The following DNER variants were observed in gnomAD, a reference collection of about 807,000 sequenced individuals.
DNER encodes the protein delta/notch like EGF repeat containing, also known as delta and Notch-like epidermal growth factor-related receptor.
Under a neutral mutation model 78.2 loss-of-function variants are expected in DNER, and 33 were observed. The observed-to-expected ratio is 0.42, with a 90% CI of 0.32 to 0.56. DNER has a LOEUF of 0.56. Ranked by LOEUF, DNER falls within the 20% of genes least tolerant of loss-of-function variation. The probability of loss-of-function intolerance (pLI) is 0.11; values close to 1 mark genes in which losing one functional copy is unlikely to be tolerated. For missense variants in DNER, 918 were observed against 975.3 expected, an observed-to-expected ratio of 0.94 and a Z score of 0.78; for synonymous variants, 417 against 384.8, an observed-to-expected ratio of 1.08 and a Z score of -0.98.
At chr2:229,502,593 T>A (rs1236297778) in intron 6 of DNER, among the ~76,000 whole-genome samples, 1 of 152,112 alleles carries the variant, frequency 6.6e-6, no homozygotes, top group African/African-American at 2.4e-5. Context: ...TGGGCTTTGT[T>A]TACCCTGCGG....
chr2:229,569,689 T>A (rs1025571456), intron 4 of DNER, among the ~76,000 whole-genome samples: 2 of 152,212 alleles, frequency 1.3e-5, no homozygotes, highest in African/African-American at 2.4e-5. Flanking sequence ...TTACACTGTA[T>A]TAGTTTTTTA....
At chr2:229,434,030 AG>A (rs1290541169) in intron 8 of DNER, among the ~76,000 whole-genome samples, 1 of 152,254 alleles carries the variant, frequency 6.6e-6, no homozygotes, top group East Asian at 1.9e-4. Flanking sequence ...GATCTGACAA[AG>A]TTGCGCTGTT....
At chr2:229,435,449 C>T (rs1266518189) in intron 8 of DNER, among the ~76,000 whole-genome samples, 1 of 152,190 alleles carries the variant, frequency 6.6e-6, no homozygotes, top group Non-Finnish European at 1.5e-5. Flanking sequence ...GCCATCAAGT[C>T]TTGGAATGTT....
intron 6 of DNER, among the ~76,000 whole-genome samples, chr2:229,488,616 C>T (rs1297339929): frequency 2.0e-5 from 3 of 152,260 alleles, no homozygotes; most frequent in Admixed American, 2.0e-4. Context: ...GGACTGCAGA[C>T]TCTAACCCTA....
intron 1 of DNER, among the ~76,000 whole-genome samples, chr2:229,669,606 T>C (rs1186117461): frequency 2.0e-5 from 3 of 152,152 alleles, no homozygotes; most frequent in Non-Finnish European, 2.9e-5. Flanking sequence ...TGGTCTGTAG[T>C]TCTCCTTGAA....
intron 5 of DNER, among the ~76,000 whole-genome samples, chr2:229,537,424 C>T (rs1254888083): frequency 6.6e-6 from 1 of 152,148 alleles, no homozygotes; most frequent in African/African-American, 2.4e-5. Flanking sequence ...GAGAAAAGTC[C>T]AGAAATCTCA....
intron 1 of DNER, among the ~76,000 whole-genome samples, chr2:229,593,201 C>T (rs1010095248): frequency 6.6e-6 from 1 of 152,160 alleles, no homozygotes; most frequent in African/African-American, 2.4e-5. Context: ...AATCCAAACT[C>T]CTTCTTCGGC....
intron 1 of DNER, among the ~76,000 whole-genome samples, chr2:229,596,704 A>G (rs559445419): frequency 1.3e-5 from 2 of 152,360 alleles, no homozygotes; most frequent in African/African-American, 4.8e-5. Context: ...ATATGATGAG[A>G]ATCAATAATA....
chr2:229,534,651 A>C (rs931844567), intron 5 of DNER, among the ~76,000 whole-genome samples: 2 of 152,204 alleles, frequency 1.3e-5, no homozygotes, highest in Non-Finnish European at 1.5e-5. Flanking sequence ...TACAAAAGCA[A>C]ATGTAAAAAT....
rs200801433 is a variant in DNER at position 229,407,275 on chromosome 2, G to A, written c.1680C>T (p.Ser560=). The A allele has an allele frequency of 3.6e-4, 573 of 1,613,658 alleles. 8 individuals carry two copies. In the South Asian group the frequency reaches 5.6e-3, roughly 16 times the overall value. Residue 560 remains serine (S), a synonymous_variant, in exon 10 of 13, where the codon AGC becomes AGT. Transcript: ENST00000341772. ...VSCLNGATCD[S]DGLNGTCICA... is the part of the protein sequence containing the mutation. ...AGATGCACGTGCCATTCAGGCCGTC[G>A]CTGTCACAGGTGGCTCCGTTCAGAC...
At chr2:229,692,873 T>C (rs771065075) in intron 1 of DNER, among the ~76,000 whole-genome samples, 1 of 151,806 alleles carries the variant, frequency 6.6e-6, no homozygotes, top group Non-Finnish European at 1.5e-5. Flanking sequence ...AAGAAATAAC[T>C]ATATGTAATA....
chr2:229,413,321 CTT>C lies in DNER; in HGVS notation c.1609+4785_1609+4786del, dbSNP rs398061160. On this transcript the variant is annotated intron_variant, in intron 9 of 12. Transcript: ENST00000341772. The stretch of plus-strand genomic sequence containing the variant: ...TGCTTTTCTTTTTCTTTTTCTTCTT[CTT>C]TTTTTTTTTTTTTTTTTTTGACGGA... Among the ~76,000 whole-genome samples, 39 of 67,780 alleles carry C rather than the reference CTT, an allele frequency of 5.8e-4. No individual in the cohort carries two copies. The East Asian group carries it at 0.012, about 21-fold the overall frequency. The allele number at this position is 67,780 out of a possible 152,430, so 44.5% of individuals were successfully genotyped here.
intron 8 of DNER, among the ~76,000 whole-genome samples, chr2:229,425,533 T>C (rs1693855083): frequency 6.6e-6 from 1 of 152,072 alleles, no homozygotes. Flanking sequence ...CAATTCCTAC[T>C]CTCCCCAGTA....
At chr2:229,574,721 T>G (rs1398169497) in intron 4 of DNER, among the ~76,000 whole-genome samples, 2 of 152,218 alleles carry the variant, frequency 1.3e-5, no homozygotes, top group African/African-American at 4.8e-5. Flanking sequence ...ATTACCTTGT[T>G]GAGAGAAACG....
At chr2:229,663,828 T>C (rs975079064) in intron 1 of DNER, among the ~76,000 whole-genome samples, 3 of 152,078 alleles carry the variant, frequency 2.0e-5, no homozygotes, top group African/African-American at 7.2e-5. Context: ...AGGGGTGCAA[T>C]TTTTTTGTTG....
At chr2:229,459,793 C>A (rs965324401) in intron 7 of DNER, among the ~76,000 whole-genome samples, 1 of 151,942 alleles carries the variant, frequency 6.6e-6, no homozygotes, top group African/African-American at 2.4e-5. Context: ...TGCCTGTAAT[C>A]CCGGCTACTC....
intron 6 of DNER, among the ~76,000 whole-genome samples, chr2:229,493,585 A>G (rs1559147992): frequency 1.3e-5 from 2 of 152,170 alleles, no homozygotes. Context: ...CAGAGGGAAG[A>G]GGAAGAAGAA....
intron 1 of DNER, among the ~76,000 whole-genome samples, chr2:229,682,961 C>T (rs1472205276): frequency 6.6e-6 from 1 of 152,138 alleles, no homozygotes; most frequent in Non-Finnish European, 1.5e-5. Flanking sequence ...TTGAACTATA[C>T]AACTGTAAAG....
In DNER at chr2:229,461,104, C is replaced by T. The variant is rs1053161908; in HGVS notation, c.1262-13564G>A. ...GGCTTTGGGTCATCTGTGGCTGAGACGGTCAGAACAGATTTCATCTTCCCC... is the reference window on the plus strand; with the variant it reads ...GGCTTTGGGTCATCTGTGGCTGAGATGGTCAGAACAGATTTCATCTTCCCC... On this transcript the variant is annotated intron_variant, in intron 7 of 12. Coordinates refer to ENST00000341772, the MANE Select transcript of DNER (RefSeq NM_139072.4). Among the ~76,000 whole-genome samples the T allele has an allele frequency of 1.6e-4, 25 of 152,000 alleles. 1 individual carries two copies. In the South Asian group the frequency reaches 3.9e-3, roughly 24 times the overall value.
Sources: gnomAD v4.1 joint callset for allele counts (sites outside exome capture counted in the v4.1 genomes callset) on GRCh38, gnomAD v4.1.1 for gene constraint, MANE v1.5 for transcripts, NCBI Gene and HGNC (gene_info 2026-07-23, HGNC 2026-07-21) for gene names.